The following MBIP variants were observed in gnomAD, a reference collection of about 807,000 sequenced individuals.
MBIP encodes MAP3K12 binding inhibitory protein 1, also known as MAP3K12-binding inhibitory protein 1.
In MBIP, 32 loss-of-function variants were observed where a neutral mutation model predicts 45.7. That is an observed-to-expected ratio of 0.70 (90% CI 0.53 to 0.94). The LOEUF is 0.94. Ranked by LOEUF, MBIP falls within the 40% of genes least tolerant of loss-of-function variation. MBIP has a pLI of 0.00. For missense variants in MBIP, 381 were observed against 405.5 expected (o/e 0.94, Z 0.52); for synonymous variants, 145 against 141.0 (o/e 1.03, Z -0.20).
At chr14:36,308,286 G>A (rs1196459709) in intron 6 of MBIP, 97 bp from the exon 7 acceptor site, 4 of 641,180 alleles carry the variant, frequency 6.2e-6, no homozygotes, top group Admixed American at 5.5e-5. Flanking sequence ...CTTATGCAAA[G>A]GAATGGAAAA....
Position 36,320,523 on chromosome 14 carries a change from T to G in MBIP, c.66A>C (p.Arg22Ser), listed in dbSNP as rs3168891. Residue 22 changes from arginine (R) to serine (S), a missense_variant, in exon 1 of 9, where the codon AGA (arginine) becomes AGC (serine). Arg to Ser is a moderately radical substitution (Grantham distance 110). Transcript: ENST00000416007. ...AGAGCACCTCTCGGGAGAGGTTGGG[T>G]CTGCATCTTCGCTCCAGGTTCCTGT... is the stretch of plus-strand genomic sequence containing the variant. ...SGDRNLERRC[R>S]PNLSREVLYE... 0.95 allele frequency: 1,528,997 copies of G among 1,613,940 alleles called. 724,655 individuals are homozygous for G. Among genetic ancestry groups the G allele is most frequent in the East Asian group, 0.96 (43,043 of 44,834 alleles).
intron 7 of MBIP, among the ~76,000 whole-genome samples, chr14:36,303,705 CAT>C (rs1280302044): frequency 6.6e-6 from 1 of 152,110 alleles, no homozygotes. Flanking sequence ...TGCACACACA[CAT>C]ATGAATCCAG....
At chr14:36,318,980 C>T (rs4636811) in intron 1 of MBIP, among the ~76,000 whole-genome samples, 41 of 152,144 alleles carry the variant, frequency 2.7e-4, no homozygotes, top group African/African-American at 8.9e-4. Flanking sequence ...TAGGAGGTCC[C>T]TTCACTGTGT....
intron 7 of MBIP, 74 bp downstream of exon 7, chr14:36,308,018 A>G: frequency 1.3e-6 from 1 of 784,096 alleles, no homozygotes; most frequent in Non-Finnish European, 2.1e-6. Context: ...TAGATCAATG[A>G]GTGACTGTTA....
intron 1 of MBIP, 91 bp from the exon 2 acceptor site, chr14:36,316,903 G>C: frequency 7.3e-7 from 1 of 1,373,030 alleles, no homozygotes; most frequent in Non-Finnish European, 9.8e-7. Flanking sequence ...CTAGAGTAAC[G>C]GGTCTATTTT....
chr14:36,305,091 T>G (rs756803266), intron 7 of MBIP: 2 of 152,240 alleles, frequency 1.3e-5, no homozygotes, highest in Non-Finnish European at 2.9e-5. Flanking sequence ...GCAATTACCA[T>G]GCATGTACTC....
intron 7 of MBIP, among the ~76,000 whole-genome samples, chr14:36,301,588 G>A (rs1283194298): frequency 3.2e-5 from 2 of 61,918 alleles, no homozygotes; most frequent in Non-Finnish European, 1.1e-4. Flanking sequence ...AGAGTTAAGA[G>A]GGGAAAGAAA....
At chr14:36,319,501 TAA>T (rs1040152265) in intron 1 of MBIP, 10 of 374,088 alleles carry the variant, frequency 2.7e-5, no homozygotes, top group African/African-American at 2.2e-4. Context: ...AGTAACTTCT[TAA>T]AAGACTGATT....
At position 36,300,839 on chromosome 14, in the gene MBIP, A is replaced by G. The variant is rs1360121492; in HGVS notation, c.889-16T>C. 2 of 1,453,684 alleles carry G rather than the reference A, an allele frequency of 1.4e-6. No homozygotes were observed. The highest frequency in any genetic ancestry group is 1.9e-6 in the Non-Finnish European group (2 of 1,062,664). The allele number at this position is 1,453,684 out of a possible 1,614,324, so 90.0% of individuals were successfully genotyped here. On this transcript the variant is annotated splice_polypyrimidine_tract_variant and intron_variant, in intron 7 of 8. Transcript: ENST00000416007. ...CAGAAAAGCTCTAGATTAAAAAAAAAAAGGTAATGTTTAGAAAAATCTAAG... is the reference window on the plus strand; with the variant it reads ...CAGAAAAGCTCTAGATTAAAAAAAAGAAGGTAATGTTTAGAAAAATCTAAG...
intron 8 of MBIP, among the ~76,000 whole-genome samples, chr14:36,300,232 TC>T (rs1242366685): frequency 3.9e-5 from 6 of 152,160 alleles, no homozygotes; most frequent in Admixed American, 6.5e-5. Context: ...ATAATTTACT[TC>T]GGGAAAAAAT....
At chr14:36,308,915 T>G (rs929552870) in intron 6 of MBIP, among the ~76,000 whole-genome samples, 1 of 152,182 alleles carries the variant, frequency 6.6e-6, no homozygotes, top group South Asian at 2.1e-4. Flanking sequence ...TTAGATCACA[T>G]CATTTCTCTG....
intron 7 of MBIP, 93 bp downstream of exon 7, chr14:36,307,999 T>A (rs1313486324): frequency 3.0e-6 from 2 of 663,480 alleles, no homozygotes; most frequent in Non-Finnish European, 5.2e-6. Context: ...TAAAATAGTG[T>A]TTTGCTTATA....
chr14:36,314,222 T>C, intron 4 of MBIP: 1 of 287,854 alleles, frequency 3.5e-6, no homozygotes, highest in Non-Finnish European at 6.4e-6. Context: ...AGATCAACCT[T>C]CTCACTCGTA....
intron 2 of MBIP, among the ~76,000 whole-genome samples, chr14:36,316,267 A>C (rs1178805392): frequency 6.6e-6 from 1 of 152,160 alleles, no homozygotes; most frequent in Non-Finnish European, 1.5e-5. Context: ...GTTTAATTGC[A>C]ATAGACACTC....
intron 6 of MBIP, among the ~76,000 whole-genome samples, chr14:36,308,480 C>T (rs1037943348): frequency 3.3e-5 from 5 of 152,184 alleles, no homozygotes; most frequent in Non-Finnish European, 7.4e-5. Context: ...CCATGTAGAA[C>T]AATTTATATT....
chr14:36,307,606 A>G (rs1319930196), intron 7 of MBIP, among the ~76,000 whole-genome samples: 1 of 152,210 alleles, frequency 6.6e-6, no homozygotes, highest in Non-Finnish European at 1.5e-5. Flanking sequence ...AGGAATTACA[A>G]AAACATAGAA....
At chr14:36,314,178 A>G (rs1044642201) in intron 4 of MBIP, 12 of 213,384 alleles carry the variant, frequency 5.6e-5, no homozygotes, top group Non-Finnish European at 1.1e-4. Context: ...TAGGTTTGAA[A>G]TTCATAGAGC....
At chr14:36,315,983 TTAGAGA>T (rs1489769188) in intron 2 of MBIP, among the ~76,000 whole-genome samples, 4 of 152,130 alleles carry the variant, frequency 2.6e-5, no homozygotes, top group African/African-American at 9.7e-5. Context: ...TACACTTTGA[TTAGAGA>T]TAAACTGCAA....
At chr14:36,304,036 G>T (rs1879729443) in intron 7 of MBIP, among the ~76,000 whole-genome samples, 1 of 151,356 alleles carries the variant, frequency 6.6e-6, no homozygotes, top group Admixed American at 6.6e-5. Flanking sequence ...GTGCAAACTG[G>T]TTAGTGTGAC....
Sources: gnomAD v4.1 joint callset for allele counts (sites outside exome capture counted in the v4.1 genomes callset) on GRCh38, gnomAD v4.1.1 for gene constraint, MANE v1.5 for transcripts, NCBI Gene and HGNC (gene_info 2026-07-23, HGNC 2026-07-21) for gene names.